The following CCDC178 variants were observed in gnomAD, a reference collection of about 807,000 sequenced individuals.
CCDC178 encodes the protein coiled-coil domain-containing protein 178.
In CCDC178, 126 loss-of-function variants were observed where a neutral mutation model predicts 117.4. That is an observed-to-expected ratio of 1.07 (90% CI 0.93 to 1.24). The LOEUF (loss-of-function observed/expected upper bound fraction) is 1.24. Ranked by LOEUF, CCDC178 falls within the 50% of genes most tolerant of loss-of-function variation. CCDC178 has a pLI of 0.00. For missense variants in CCDC178, 1,030 were observed against 986.9 expected (o/e 1.04, Z -0.59); for synonymous variants, 283 against 313.4 (o/e 0.90, Z 1.02).
At chr18:33,119,063 T>C (rs924567414) in intron 20 of CCDC178, among the ~76,000 whole-genome samples, 4 of 152,132 alleles carry the variant, frequency 2.6e-5, no homozygotes, top group Non-Finnish European at 5.9e-5. Context: ...ACTTAAATGT[T>C]AGACCTAAAA....
At chr18:33,229,973 G>A (rs2059351701) in intron 15 of CCDC178, among the ~76,000 whole-genome samples, 1 of 152,244 alleles carries the variant, frequency 6.6e-6, no homozygotes, top group Non-Finnish European at 1.5e-5. Flanking sequence ...GGTTAAATGA[G>A]TTCAAATTAC....
chr18:33,312,283 A>G (rs2062353735), intron 11 of CCDC178, among the ~76,000 whole-genome samples: 1 of 152,096 alleles, frequency 6.6e-6, no homozygotes, highest in Non-Finnish European at 1.5e-5. Flanking sequence ...TTGCTTTCAA[A>G]TATCAGGATC....
intron 21 of CCDC178, among the ~76,000 whole-genome samples, chr18:33,089,555 G>C (rs541592999): frequency 6.6e-6 from 1 of 152,212 alleles, no homozygotes; most frequent in South Asian, 2.1e-4. Flanking sequence ...TGAAAGCACT[G>C]AGATTTGTAG....
chr18:32,998,188 G>C lies in CCDC178; in HGVS notation c.2389-23507C>G, dbSNP rs2055558924. On this transcript the variant is annotated intron_variant, in intron 21 of 22. Transcript: ENST00000383096. ...GCTTGGAGGAGGCAGAGTGATTGTGGGACTTTGCGTTGGAAGTCAGTGCTG... is the reference window on the plus strand; with the variant it reads ...GCTTGGAGGAGGCAGAGTGATTGTGCGACTTTGCGTTGGAAGTCAGTGCTG... 2.0e-5 allele frequency among the ~76,000 whole-genome samples: 3 copies of C among 152,150 alleles called. No homozygotes were observed. In the South Asian group the frequency reaches 6.2e-4, roughly 32 times the overall value.
chr18:32,974,627 C>A lies in CCDC178; in HGVS notation c.2443G>T (p.Val815Leu). 6.2e-7 allele frequency: 1 copy of A among 1,613,458 alleles called. No homozygotes were observed. The highest frequency in any genetic ancestry group is 8.5e-7 in the Non-Finnish European group (1 of 1,179,726). ...HTLWQEHFKL[V>L]VLFSQMRLAN... ...AGCCTCATCTGGCTGAAGAGGACCA[C>A]CAGTTTGAAGTGCTCCTGCCACAGT... Residue 815 changes from valine to leucine, a missense_variant, in exon 22 of 23, where the codon GTG becomes TTG. By Grantham distance (32) the Val-to-Leu change is conservative. Coordinates refer to ENST00000383096, the MANE Select transcript of CCDC178 (RefSeq NM_001105528.4).
Position 33,255,981 on chromosome 18 carries a change from A to G in CCDC178, c.1410-10553T>C, listed in dbSNP as rs866712620. On this transcript the variant is annotated intron_variant, in intron 14 of 22. Coordinates refer to ENST00000383096, the MANE Select transcript of CCDC178 (RefSeq NM_001105528.4). The stretch of plus-strand genomic sequence containing the variant: ...GTAACATGTAGAAAGAAAGAGAGAA[A>G]AAAAAAAAAACGCCTACCACAGGAC... 5.5e-4 allele frequency among the ~76,000 whole-genome samples: 83 copies of G among 149,772 alleles called. 1 individual carries two copies. The highest frequency in any genetic ancestry group is 1.5e-3 in the African/African-American group (61 of 41,154).
intron 14 of CCDC178, among the ~76,000 whole-genome samples, chr18:33,250,330 A>G (rs1003846958): frequency 1.1e-4 from 16 of 151,744 alleles, no homozygotes; most frequent in Non-Finnish European, 2.1e-4. Context: ...AAATAATTCC[A>G]GATTAATTTA....
At chr18:33,168,451 C>G (rs1159375098) in intron 20 of CCDC178, among the ~76,000 whole-genome samples, 1 of 152,032 alleles carries the variant, frequency 6.6e-6, no homozygotes, top group African/African-American at 2.4e-5. Flanking sequence ...ATGTGTCTGT[C>G]TTTGTAGCAG....
chr18:33,334,093 T>C (rs1041383521), intron 9 of CCDC178, among the ~76,000 whole-genome samples: 1 of 152,062 alleles, frequency 6.6e-6, no homozygotes, highest in Non-Finnish European at 1.5e-5. Context: ...AAGTGATTAT[T>C]ATTTTCTTAT....
intron 21 of CCDC178, among the ~76,000 whole-genome samples, chr18:33,028,105 T>C (rs2056264005): frequency 6.6e-6 from 1 of 151,504 alleles, no homozygotes; most frequent in Non-Finnish European, 1.5e-5. Flanking sequence ...TGCAAACAAA[T>C]CTAAAGAATA....
intron 21 of CCDC178, among the ~76,000 whole-genome samples, chr18:33,083,026 T>C (rs538814787): frequency 6.6e-6 from 1 of 152,328 alleles, no homozygotes; most frequent in East Asian, 1.9e-4. Flanking sequence ...GTATGCTATG[T>C]AATCTCATTT....
intron 21 of CCDC178, among the ~76,000 whole-genome samples, chr18:32,988,840 T>C (rs1003451270): frequency 6.6e-6 from 1 of 152,086 alleles, no homozygotes; most frequent in Non-Finnish European, 1.5e-5. Context: ...GATAATACTA[T>C]GAGTAATTTT....
At chr18:33,234,433 A>G (rs549321693) in intron 15 of CCDC178, among the ~76,000 whole-genome samples, 5 of 152,098 alleles carry the variant, frequency 3.3e-5, no homozygotes, top group Non-Finnish European at 4.4e-5. Context: ...ACAAGCAAAA[A>G]AATACCAGAT....
chr18:33,210,643 C>T (rs1399465958), intron 20 of CCDC178, among the ~76,000 whole-genome samples: 1 of 151,950 alleles, frequency 6.6e-6, no homozygotes, highest in South Asian at 2.1e-4. Context: ...ATGCTTAAAT[C>T]GGTAAATAAC....
Position 32,996,839 on chromosome 18 carries a change from C to A in CCDC178, c.2389-22158G>T, listed in dbSNP as rs549139947. Among the ~76,000 whole-genome samples the A allele has an allele frequency of 1.2e-4, 18 of 151,910 alleles. No homozygotes were observed. The South Asian group carries it at 3.7e-3, about 32-fold the overall frequency. On this transcript the variant is annotated intron_variant, in intron 21 of 22. Transcript: ENST00000383096. The stretch of plus-strand genomic sequence containing the variant: ...AAATATTTGAAGCAAAAAAGTGACA[C>A]ATGTATTATAAAGAGATCATATAAA...
intron 20 of CCDC178, among the ~76,000 whole-genome samples, chr18:33,161,729 C>T (rs1281231135): frequency 6.6e-6 from 1 of 152,156 alleles, no homozygotes; most frequent in African/African-American, 2.4e-5. Context: ...TCATCCATGT[C>T]CCTACACAGG....
At chr18:32,983,298 CA>C (rs1431475878) in intron 21 of CCDC178, 2 of 1,529,040 alleles carry the variant, frequency 1.3e-6, no homozygotes, top group East Asian at 4.9e-5. Flanking sequence ...TTTGAGAGTT[CA>C]TCTGATATAA....
chr18:32,951,689 G>A (rs1354973496), intron 22 of CCDC178, among the ~76,000 whole-genome samples: 10 of 152,096 alleles, frequency 6.6e-5, no homozygotes, highest in Non-Finnish European at 1.0e-4. Flanking sequence ...ACACAATAAT[G>A]CCTTTCCAAC....
chr18:33,242,319 T>G (rs900637101), intron 15 of CCDC178, among the ~76,000 whole-genome samples: 1 of 151,592 alleles, frequency 6.6e-6, no homozygotes, highest in Non-Finnish European at 1.5e-5. Context: ...AAACATAGGA[T>G]AAATGCTTCA....
Sources: gnomAD v4.1 joint callset for allele counts (sites outside exome capture counted in the v4.1 genomes callset) on GRCh38, gnomAD v4.1.1 for gene constraint, MANE v1.5 for transcripts, NCBI Gene and HGNC (gene_info 2026-07-23, HGNC 2026-07-21) for gene names.